Variants in CCDC125 observed in about 807,000 individuals in gnomAD.
CCDC125 encodes coiled-coil domain containing 125, also known as coiled-coil domain-containing protein 125.
Under a neutral mutation model 57.4 loss-of-function variants are expected in CCDC125, and 43 were observed. The ratio of observed to expected loss-of-function variants is 0.75; its 90% CI spans 0.59 to 0.97. The LOEUF is 0.97. Ranked by LOEUF, CCDC125 falls within the 50% of genes least tolerant of loss-of-function variation. The pLI is 0.00. For synonymous variants in CCDC125, 187 were observed against 195.2 expected (o/e 0.96, Z 0.35); for missense variants, 563 against 595.7 (o/e 0.95, Z 0.57).
At chr5:69,312,032 G>T (rs1175330360) in intron 3 of CCDC125, among the ~76,000 whole-genome samples, 2 of 152,190 alleles carry the variant, frequency 1.3e-5, no homozygotes, top group Admixed American at 1.3e-4. Flanking sequence ...ACTGCCCCCA[G>T]CCTCAGTTGG....
At chr5:69,279,311 C>G (rs1445430761), downstream of CCDC125, among the ~76,000 whole-genome samples, 1 of 148,084 alleles carries the variant, frequency 6.8e-6, no homozygotes, top group Non-Finnish European at 1.5e-5. Flanking sequence ...ATTCTCCTGC[C>G]TCAGCCTCCC....
chr5:69,306,945 T>A, intron 5 of CCDC125, 43 bp from the exon 6 acceptor site: 2 of 1,449,268 alleles, frequency 1.4e-6, no homozygotes, highest in Non-Finnish European at 9.1e-7. Context: ...TTACTACAAA[T>A]AAATCATTTC....
At chr5:69,313,909 G>A in intron 3 of CCDC125, 76 bp downstream of exon 3, 1 of 1,061,788 alleles carries the variant, frequency 9.4e-7, no homozygotes, top group Non-Finnish European at 1.5e-6. Context: ...ATGGAGAGCT[G>A]CAGAAGACGA....
intron 8 of CCDC125, among the ~76,000 whole-genome samples, chr5:69,297,289 C>T (rs906412762): frequency 2.6e-5 from 4 of 152,026 alleles, no homozygotes; most frequent in Non-Finnish European, 4.4e-5. Context: ...GATCCACCTG[C>T]CTCGGCATCC....
intron 9 of CCDC125, among the ~76,000 whole-genome samples, chr5:69,294,463 A>C (rs1274654990): frequency 6.6e-6 from 1 of 152,098 alleles, no homozygotes; most frequent in African/African-American, 2.4e-5. Flanking sequence ...GACCGCCACC[A>C]TGCCTGGCTA....
At position 69,306,866 on chromosome 5, in the gene CCDC125, G is replaced by C. The variant is rs923209673; in HGVS notation, c.568C>G (p.His190Asp). Residue 190 changes from histidine (H) to aspartate (D), a missense_variant, in exon 6 of 12, where the codon CAT becomes GAT. His to Asp is a moderately conservative substitution (Grantham distance 81). Coordinates refer to ENST00000396496, the MANE Select transcript of CCDC125 (RefSeq NM_176816.5). ...NALQWEIEFD[H>D]NRFKNIEESW... ...TCCTCTATATTTTTAAATCTATTATGATCAAATTCTATTTCCCACTGCAAG... is the reference window on the plus strand; with the variant it reads ...TCCTCTATATTTTTAAATCTATTATCATCAAATTCTATTTCCCACTGCAAG... 19 of 1,527,130 alleles carry C rather than the reference G, an allele frequency of 1.2e-5. No homozygotes were observed. Among genetic ancestry groups the C allele is most frequent in the Non-Finnish European group, 1.7e-5 (19 of 1,142,116 alleles). The allele number at this position is 1,527,130 out of a possible 1,614,324, so 94.6% of individuals were successfully genotyped here.
chr5:69,283,184 G>T, intron 11 of CCDC125, 150 bp from the exon 12 acceptor site: 3 of 564,722 alleles, frequency 5.3e-6, no homozygotes, highest in African/African-American at 1.9e-5. Flanking sequence ...GGTATCACCT[G>T]ATCCCCAAAC....
At chr5:69,277,035 A>C, downstream of CCDC125, 2 of 1,333,924 alleles carry the variant, frequency 1.5e-6, no homozygotes, top group Non-Finnish European at 2.1e-6. Flanking sequence ...TGACTGGTTA[A>C]AATTGCTATG....
At chr5:69,314,800 T>TA (rs570436733) in intron 2 of CCDC125, among the ~76,000 whole-genome samples, 3 of 151,440 alleles carry the variant, frequency 2.0e-5, no homozygotes, top group Non-Finnish European at 2.9e-5. Context: ...CAAGACTATC[T>TA]AAAAAAAACA....
chr5:69,294,844 A>G lies in CCDC125; in HGVS notation c.873T>C (p.Cys291=). 6.2e-7 allele frequency: 1 copy of G among 1,614,228 alleles called. No individual in the cohort carries two copies. The highest frequency in any genetic ancestry group is 8.5e-7 in the Non-Finnish European group (1 of 1,180,032). The change falls in exon 9 of 12, where the codon TGT becomes TGC. Residue 291 remains cysteine (C), a synonymous_variant. Transcript: ENST00000396496. The part of the protein sequence containing the change: ...CHGPGGNPCS[C]ARMAASTRKL... The stretch of plus-strand genomic sequence containing the variant: ...TCCGAGTGGATGCTGCCATTCTGGC[A>G]CAAGAACAGGGGTTCCCTCCGGGCC...
intron 6 of CCDC125, among the ~76,000 whole-genome samples, chr5:69,305,739 C>A (rs923655948): frequency 6.6e-6 from 1 of 152,172 alleles, no homozygotes; most frequent in Non-Finnish European, 1.5e-5. Flanking sequence ...AGCTGACTGA[C>A]AACCACCTCC....
chr5:69,328,224 A>T (rs1325612665), intron 1 of CCDC125, among the ~76,000 whole-genome samples: 1 of 152,186 alleles, frequency 6.6e-6, no homozygotes, highest in Non-Finnish European at 1.5e-5. Flanking sequence ...TTAAATTAAA[A>T]TGAGTCTGTA....
intron 6 of CCDC125, among the ~76,000 whole-genome samples, 170 bp downstream of exon 6, chr5:69,306,647 T>A (rs1333585690): frequency 6.6e-6 from 1 of 152,190 alleles, no homozygotes; most frequent in African/African-American, 2.4e-5. Context: ...TATGCTATTT[T>A]TTTTCTTTAA....
At chr5:69,314,412 C>A (rs540431204) in intron 2 of CCDC125, among the ~76,000 whole-genome samples, 4 of 150,994 alleles carry the variant, frequency 2.6e-5, no homozygotes, top group East Asian at 1.9e-4. Context: ...TTGCAGTGAG[C>A]GGAGATCGTG....
chr5:69,310,925 A>T (rs1456560938), intron 4 of CCDC125, 193 bp downstream of exon 4: 1 of 346,546 alleles, frequency 2.9e-6, no homozygotes, highest in African/African-American at 2.2e-5. Context: ...TCTTATATCT[A>T]GTAAAAATGA....
intron 10 of CCDC125, among the ~76,000 whole-genome samples, chr5:69,288,344 G>C (rs1186508777): frequency 6.6e-6 from 1 of 152,164 alleles, no homozygotes; most frequent in Non-Finnish European, 1.5e-5. Context: ...CCAAACTCCA[G>C]GGAAGCGAGA....
chr5:69,320,203 GAGAA>G (rs1561176658), intron 2 of CCDC125, 30 bp downstream of exon 2: 3 of 1,552,816 alleles, frequency 1.9e-6, no homozygotes, highest in Non-Finnish European at 2.7e-6. Context: ...CTATGCACAG[GAGAA>G]AGAAAGGAGA....
At chr5:69,314,418 T>C (rs1758665942) in intron 2 of CCDC125, among the ~76,000 whole-genome samples, 1 of 151,374 alleles carries the variant, frequency 6.6e-6, no homozygotes, top group Non-Finnish European at 1.5e-5. Flanking sequence ...TGAGCGGAGA[T>C]CGTGCCACTG....
intron 3 of CCDC125, among the ~76,000 whole-genome samples, chr5:69,312,827 A>G (rs935481625): frequency 6.6e-5 from 10 of 152,218 alleles, no homozygotes; most frequent in Admixed American, 5.9e-4. Context: ...TTTAAACAAA[A>G]TATCTATCAA....
Sources: gnomAD v4.1 joint callset for allele counts (sites outside exome capture counted in the v4.1 genomes callset) on GRCh38, gnomAD v4.1.1 for gene constraint, MANE v1.5 for transcripts, NCBI Gene and HGNC (gene_info 2026-07-23, HGNC 2026-07-21) for gene names.